Variants in MTR observed in about 807,000 individuals in gnomAD.
MTR encodes the protein 5-methyltetrahydrofolate-homocysteine methyltransferase, also known as methionine synthase.
MTR carries 84 observed loss-of-function variants against 154.8 expected under a neutral mutation model. That is an observed-to-expected ratio of 0.54 (90% CI 0.45 to 0.65). The LOEUF (loss-of-function observed/expected upper bound fraction) is 0.65, where lower values mean the gene tolerates loss of function less well. MTR is among the 30% of genes least tolerant of loss of function. The pLI, the probability that MTR is intolerant of heterozygous loss-of-function variation, is 0.00. For synonymous variants in MTR, 554 were observed against 553.9 expected, an observed-to-expected ratio of 1.00 and a Z score of 0.00; for missense variants, 1,275 against 1,570.2, an observed-to-expected ratio of 0.81 and a Z score of 3.18.
intron 14 of MTR, among the ~76,000 whole-genome samples, chr1:236,837,470 C>T (rs921248960): frequency 2.0e-5 from 3 of 152,224 alleles, no homozygotes; most frequent in Non-Finnish European, 4.4e-5. Context: ...GCATTTACTA[C>T]ACTTTATGTC....
chr1:236,869,415 C>T (rs1664996613), intron 22 of MTR, among the ~76,000 whole-genome samples: 1 of 152,170 alleles, frequency 6.6e-6, no homozygotes, highest in African/African-American at 2.4e-5. Context: ...CCAGGCTGGA[C>T]TCAAACCCCT....
chr1:236,891,034 G>A, intron 28 of MTR, 99 bp from the exon 29 acceptor site: 3 of 1,323,302 alleles, frequency 2.3e-6, no homozygotes, highest in Non-Finnish European at 3.3e-6. Flanking sequence ...GCCTGAAGAG[G>A]GAAGGTGACT....
intron 19 of MTR, 106 bp downstream of exon 19, chr1:236,860,028 G>T: frequency 2.6e-6 from 2 of 757,142 alleles, no homozygotes. Context: ...CTAGACCACT[G>T]ATTCTCAACC....
intron 8 of MTR, 34 bp from the exon 9 acceptor site, chr1:236,824,082 AGAT>A (rs760222580): frequency 6.7e-7 from 1 of 1,502,232 alleles, no homozygotes; most frequent in Non-Finnish European, 9.3e-7. Flanking sequence ...TATGAATGAG[AGAT>A]GATGCTTTTA....
At chr1:236,835,807 C>T (rs1384504253) in intron 14 of MTR, 120 bp downstream of exon 14, 16 of 1,333,546 alleles carry the variant, frequency 1.2e-5, no homozygotes, top group Admixed American at 6.7e-5. Context: ...TTCTCAACAT[C>T]GAAAACAGGG....
chr1:236,897,310 G>GTGCGCGCGCACACACACACA, intron 32 of MTR, among the ~76,000 whole-genome samples, 192 bp downstream of exon 32: 1 of 128,682 alleles, frequency 7.8e-6, no homozygotes, highest in East Asian at 2.3e-4. Flanking sequence ...CCACACACAC[G>GTGCGCGCGCACACACACACA]CACACACACA....
chr1:236,873,653 T>G, intron 22 of MTR, 120 bp from the exon 23 acceptor site: 1 of 826,858 alleles, frequency 1.2e-6, no homozygotes, highest in Admixed American at 2.0e-5. Flanking sequence ...TAGTGAGCAT[T>G]TCAACTTGAT....
chr1:236,820,587 TAA>T (rs35453692), intron 8 of MTR: 3,753 of 405,482 alleles, frequency 9.3e-3, no homozygotes, highest in Middle Eastern at 0.017. Flanking sequence ...GTCAGTTTCT[TAA>T]AAAAAAAAAA....
chr1:236,811,131 C>G (rs1661278101), intron 5 of MTR, among the ~76,000 whole-genome samples: 1 of 152,136 alleles, frequency 6.6e-6, no homozygotes, highest in South Asian at 2.1e-4. Flanking sequence ...TCACGTCTTA[C>G]ACGGATGGTA....
chr1:236,886,044 G>A (rs1456583384), intron 26 of MTR, among the ~76,000 whole-genome samples: 5 of 152,170 alleles, frequency 3.3e-5, no homozygotes, highest in African/African-American at 4.8e-5. Flanking sequence ...GGTTCAGGCC[G>A]CAGAACTAGG....
At chr1:236,892,649 C>G (rs1452402757) in intron 29 of MTR, among the ~76,000 whole-genome samples, 1 of 152,212 alleles carries the variant, frequency 6.6e-6, no homozygotes, top group Non-Finnish European at 1.5e-5. Context: ...ACCATATGCA[C>G]TTAGGCTCAG....
intron 29 of MTR, 132 bp from the exon 30 acceptor site, chr1:236,894,225 C>T (rs1409594360): frequency 7.4e-6 from 6 of 808,466 alleles, no homozygotes; most frequent in East Asian, 2.6e-5. Flanking sequence ...TAACAGTGCA[C>T]AATACAGGCT....
In MTR at chr1:236,900,895, T is replaced by C. The variant is rs1430550346; in HGVS notation, c.*3251T>C. ...AGGGGATGGGAGAAATGATGAGTTT[T>C]GGAAAGATTCGATGTGACTAGACTG... On this transcript the variant is annotated 3_prime_UTR_variant, in exon 33 of 33. Transcript: ENST00000366577. 16 of 152,706 alleles carry C rather than the reference T, an allele frequency of 1.0e-4. No homozygotes were observed. The highest frequency in any genetic ancestry group is 1.0e-3 in the Admixed American group (16 of 15,286). 9.5% of individuals were successfully genotyped at this position (152,706 alleles called of 1,614,324 possible).
chr1:236,885,128 A>C lies in MTR; in HGVS notation c.2684A>C (p.Gln895Pro), dbSNP rs146569329. The change falls in exon 26 of 33, where the codon CAG becomes CCG. Residue 895 changes from glutamine to proline, a missense_variant. Transcript: ENST00000366577. ...DASKSVVVCS[Q>P]LLDENLKDEY... ...GCTATCTTGCATTTTCAGTGTTCCCAGCTGTTAGATGAAAATCTAAAGGAT... is the reference window on the plus strand; with the variant it reads ...GCTATCTTGCATTTTCAGTGTTCCCCGCTGTTAGATGAAAATCTAAAGGAT... 8.1e-6 allele frequency: 13 copies of C among 1,603,356 alleles called. No individual in the cohort carries two copies. Among genetic ancestry groups the C allele is most frequent in the African/African-American group, 1.3e-5 (1 of 74,670 alleles).
At chr1:236,850,318 A>G in intron 15 of MTR, 26 bp from the exon 16 acceptor site, 2 of 1,579,698 alleles carry the variant, frequency 1.3e-6, no homozygotes, top group Non-Finnish European at 1.7e-6. Context: ...TCTATTTCAA[A>G]CTACATCTTT....
chr1:236,796,745 A>C lies in MTR; in HGVS notation c.34+1008A>C, dbSNP rs548476521. 7.8e-4 allele frequency among the ~76,000 whole-genome samples: 118 copies of C among 151,472 alleles called. 1 individual carries two copies. The highest frequency in any genetic ancestry group is 1.5e-3 in the Non-Finnish European group (101 of 67,924). ...GAGAGGTTTATATGTTATTTAATAT[A>C]TTAAATAAGATGTAATGAGGTTACA... On this transcript the variant is annotated intron_variant, in intron 1 of 32. Coordinates refer to ENST00000366577, the MANE Select transcript of MTR (RefSeq NM_000254.3).
At chr1:236,841,312 A>C (rs979594891) in intron 15 of MTR, among the ~76,000 whole-genome samples, 1 of 152,206 alleles carries the variant, frequency 6.6e-6, no homozygotes, top group Non-Finnish European at 1.5e-5. Flanking sequence ...AAGCTGAGCC[A>C]TGCAGTAGTA....
intron 6 of MTR, 70 bp from the exon 7 acceptor site, chr1:236,815,534 A>C (rs1661538239): frequency 6.7e-7 from 1 of 1,484,012 alleles, no homozygotes; most frequent in East Asian, 2.3e-5. Context: ...GGTGCATTCT[A>C]ATCAGGAAGT....
At chr1:236,859,269 G>A (rs1403106410) in intron 18 of MTR, among the ~76,000 whole-genome samples, 1 of 152,206 alleles carries the variant, frequency 6.6e-6, no homozygotes, top group African/African-American at 2.4e-5. Flanking sequence ...CTGCTTCCAT[G>A]GTAGCAACAT....
Sources: allele counts gnomAD v4.1 joint callset (sites outside exome capture counted in the v4.1 genomes callset), GRCh38; gene constraint gnomAD v4.1.1; transcripts MANE v1.5; gene names NCBI Gene and HGNC (gene_info 2026-07-23, HGNC 2026-07-21).